The following RAB3GAP1 variants were observed in gnomAD, a reference collection of about 807,000 sequenced individuals.
RAB3GAP1 encodes the protein rab3 GTPase-activating protein catalytic subunit.
In RAB3GAP1, 86 loss-of-function variants were observed where a neutral mutation model predicts 130.7. The observed-to-expected ratio is 0.66, with a 90% CI of 0.55 to 0.79. The LOEUF (loss-of-function observed/expected upper bound fraction) is 0.79. RAB3GAP1 is among the 30% of genes least tolerant of loss of function. The pLI is 0.00. For missense variants in RAB3GAP1, 1,029 were observed against 1,169.4 expected, an observed-to-expected ratio of 0.88 and a Z score of 1.75; for synonymous variants, 367 against 401.7, an observed-to-expected ratio of 0.91 and a Z score of 1.03.
intron 18 of RAB3GAP1, among the ~76,000 whole-genome samples, chr2:135,151,674 G>C (rs1262954113): frequency 6.6e-6 from 1 of 152,234 alleles, no homozygotes; most frequent in African/African-American, 2.4e-5. Context: ...AGTTGGTACA[G>C]TGGATAAAGA....
downstream of RAB3GAP1, among the ~76,000 whole-genome samples, chr2:135,172,434 CA>C (rs34579738): frequency 2.4e-3 from 305 of 124,636 alleles, no homozygotes; most frequent in African/African-American, 2.2e-3. Flanking sequence ...GACTCTGTCT[CA>C]AAAAAAAAAA....
intron 2 of RAB3GAP1, 48 bp from the exon 3 acceptor site, chr2:135,057,963 G>T (rs1175747520): frequency 1.5e-6 from 2 of 1,297,724 alleles, no homozygotes; most frequent in South Asian, 1.2e-5. Flanking sequence ...ATAATAATAG[G>T]AAAAAAGGTG....
intron 17 of RAB3GAP1, chr2:135,136,489 A>G: frequency 4.6e-6 from 1 of 219,280 alleles, no homozygotes; most frequent in South Asian, 6.3e-5. Flanking sequence ...AGAAATCTAA[A>G]TAAACTTTTG....
At chr2:135,165,966 G>A (rs1692635194) in intron 23 of RAB3GAP1, among the ~76,000 whole-genome samples, 1 of 152,192 alleles carries the variant, frequency 6.6e-6, no homozygotes, top group Admixed American at 6.5e-5. Flanking sequence ...GAGGTCAGGA[G>A]TTCAAGACCA....
chr2:135,129,865 A>G (rs1558790493), intron 11 of RAB3GAP1, 130 bp from the exon 12 acceptor site: 12 of 687,356 alleles, frequency 1.7e-5, no homozygotes, highest in Non-Finnish European at 2.3e-5. Flanking sequence ...TTTTCAATGG[A>G]AAAACTGAAT....
At chr2:135,161,734 C>G (rs2104996154) in intron 19 of RAB3GAP1, among the ~76,000 whole-genome samples, 1 of 152,098 alleles carries the variant, frequency 6.6e-6, no homozygotes, top group South Asian at 2.1e-4. Flanking sequence ...AATAATAAAA[C>G]AGTATGTAAG....
intron 3 of RAB3GAP1, among the ~76,000 whole-genome samples, chr2:135,074,648 C>A (rs927934717): frequency 6.6e-6 from 1 of 152,254 alleles, no homozygotes; most frequent in East Asian, 1.9e-4. Flanking sequence ...AGTCCCCAAG[C>A]ACTCCCCAGA....
chr2:135,057,998 CCCTACTT>C lies in RAB3GAP1; in HGVS notation c.75-8_75-2del, dbSNP rs1376693782. 2 of 1,585,048 alleles carry C rather than the reference CCCTACTT, an allele frequency of 1.3e-6. No individual in the cohort carries two copies. The highest frequency in any genetic ancestry group is 1.7e-6 in the Non-Finnish European group (2 of 1,154,068). On this transcript the variant is annotated splice_polypyrimidine_tract_variant and splice_region_variant and intron_variant, in intron 2 of 23. Transcript: ENST00000264158. Reference sequence around the variant, plus strand: ...GTGCTGTTGTATTTAGAAGCTTTCTCCCTACTTCCTAGGTTTATTTCCAAAGTTGAAG... The same window carrying C: ...GTGCTGTTGTATTTAGAAGCTTTCTCCCTAGGTTTATTTCCAAAGTTGAAG...
intron 3 of RAB3GAP1, among the ~76,000 whole-genome samples, chr2:135,083,790 T>TG (rs1689900535): frequency 6.7e-6 from 1 of 150,196 alleles, no homozygotes; most frequent in African/African-American, 2.5e-5. Context: ...TTTTTTTTTT[T>TG]TAATTATAGC....
intron 8 of RAB3GAP1, among the ~76,000 whole-genome samples, chr2:135,122,962 C>G (rs1035618381): frequency 1.3e-5 from 2 of 152,168 alleles, no homozygotes; most frequent in Non-Finnish European, 2.9e-5. Flanking sequence ...CTCCTGACCT[C>G]AGGTGATCCA....
At chr2:135,112,528 G>A in intron 5 of RAB3GAP1, among the ~76,000 whole-genome samples, 1 of 152,174 alleles carries the variant, frequency 6.6e-6, no homozygotes, top group East Asian at 1.9e-4. Context: ...TCTTGAGTGA[G>A]AGATGTGAAG....
chr2:135,086,964 C>T (rs1167036628), intron 3 of RAB3GAP1, among the ~76,000 whole-genome samples: 4 of 151,990 alleles, frequency 2.6e-5, no homozygotes, highest in Non-Finnish European at 4.4e-5. Flanking sequence ...TGCCCAGCCA[C>T]CTAATCGTTT....
intron 23 of RAB3GAP1, among the ~76,000 whole-genome samples, chr2:135,167,174 A>C (rs1459508281): frequency 1.3e-5 from 2 of 152,156 alleles, no homozygotes; most frequent in African/African-American, 2.4e-5. Flanking sequence ...GTGTTTTTAT[A>C]GCTTATAGTA....
chr2:135,150,570 T>A (rs762325905), intron 18 of RAB3GAP1, 64 bp downstream of exon 18: 14 of 1,603,340 alleles, frequency 8.7e-6, no homozygotes, highest in Non-Finnish European at 1.2e-5. Context: ...ACTGTGAAAA[T>A]CACTCTGTAA....
At position 135,153,570 on chromosome 2, in the gene RAB3GAP1, AAATACAATTTTGCAAAC is replaced by A. The variant is rs1411574553; in HGVS notation, c.2062-77_2062-61del. 2.8e-4 allele frequency: 382 copies of A among 1,363,174 alleles called. 1 individual carries two copies. Among genetic ancestry groups the A allele is most frequent in the Non-Finnish European group, 2.0e-5 (19 of 953,876 alleles). 84.4% of individuals were successfully genotyped at this position (1,363,174 alleles called of 1,614,324 possible). A position where few individuals can be genotyped will look rare whatever the true frequency, so the allele number is the denominator to read the frequency against. ...TAAAGATTAGATAGGCTTTTTTTGA[AAATACAATTTTGCAAAC>A]AGGCTTATCAGTAACTGTTGATTTT... On this transcript the variant is annotated intron_variant, in intron 18 of 23. Transcript: ENST00000264158.
chr2:135,133,820 TTGG>T, intron 14 of RAB3GAP1, 38 bp from the exon 15 acceptor site: 1 of 1,567,812 alleles, frequency 6.4e-7, no homozygotes, highest in South Asian at 1.1e-5. Flanking sequence ...GTAAAATATT[TTGG>T]TAACAAGTTT....
At chr2:135,162,125 G>A (rs888718072) in intron 19 of RAB3GAP1, among the ~76,000 whole-genome samples, 3 of 152,100 alleles carry the variant, frequency 2.0e-5, no homozygotes, top group African/African-American at 7.2e-5. Context: ...CAAAAAATGT[G>A]TGGGAAGTCA....
intron 6 of RAB3GAP1, among the ~76,000 whole-genome samples, chr2:135,114,466 A>G (rs1313085777): frequency 6.6e-6 from 1 of 152,220 alleles, no homozygotes. Flanking sequence ...ACTTGGGGAT[A>G]TATTTGTACA....
At position 135,126,578 on chromosome 2, in the gene RAB3GAP1, T is replaced by C; in HGVS notation, c.900-5T>C. The C allele has an allele frequency of 6.2e-7, 1 of 1,607,628 alleles. No individual in the cohort carries two copies. The highest frequency in any genetic ancestry group is 8.5e-7 in the Non-Finnish European group (1 of 1,174,140). On this transcript the variant is annotated splice_region_variant and splice_polypyrimidine_tract_variant and intron_variant, in intron 10 of 23. Coordinates refer to ENST00000264158, the MANE Select transcript of RAB3GAP1 (RefSeq NM_012233.3). ...GGATTTTATATTTATTGGTTTGCAT[T>C]TTAGTGATTTGGATCCTATTCAAGC...
Sources: gnomAD v4.1 joint callset for allele counts (sites outside exome capture counted in the v4.1 genomes callset) on GRCh38, gnomAD v4.1.1 for gene constraint, MANE v1.5 for transcripts, NCBI Gene and HGNC (gene_info 2026-07-23, HGNC 2026-07-21) for gene names.